Variants in ZNF627 observed in about 807,000 individuals in gnomAD.
The protein encoded by ZNF627 is zinc finger protein 627.
In ZNF627, 12 loss-of-function variants were observed where a neutral mutation model predicts 10.6. The ratio of observed to expected loss-of-function variants is 1.13; its 90% CI spans 0.73 to 1.84. The LOEUF is 1.84. Ranked by LOEUF, ZNF627 falls within the 40% of genes most tolerant of loss-of-function variation. ZNF627 has a pLI of 0.00. For synonymous variants in ZNF627, 176 were observed against 187.1 expected (o/e 0.94, Z 0.48); for missense variants, 504 against 568.4 (o/e 0.89, Z 1.15).
chr19:11,614,766 C>CT (rs1424819956), intron 2 of ZNF627, 61 bp from the exon 3 acceptor site: 8 of 1,591,090 alleles, frequency 5.0e-6, no homozygotes, highest in African/African-American at 2.7e-5. Flanking sequence ...AATATAGAAT[C>CT]TAATACTTTT....
rs1359665650 is a variant in ZNF627 at position 11,614,519 on chromosome 19, T to C, written c.4-8T>C. ...ACCTTCCTCCTCCACACATGGGGGA[T>C]GTTTCAGGATTCAGTGGCCTTTGAG... is the stretch of plus-strand genomic sequence containing the variant. On this transcript the variant is annotated splice_polypyrimidine_tract_variant and splice_region_variant and intron_variant, in intron 1 of 3. Transcript: ENST00000361113. 7 of 1,613,798 alleles carry C rather than the reference T, an allele frequency of 4.3e-6. No individual in the cohort carries two copies. Among genetic ancestry groups the C allele is most frequent in the East Asian group, 2.2e-5 (1 of 44,886 alleles).
chr19:11,599,184 C>T (rs1375498435), intron 1 of ZNF627, among the ~76,000 whole-genome samples: 1 of 152,186 alleles, frequency 6.6e-6, no homozygotes, highest in Non-Finnish European at 1.5e-5. Context: ...GGTCTGGTAT[C>T]AGCCTGCTCC....
At chr19:11,599,750 T>A (rs1599652015) in intron 1 of ZNF627, among the ~76,000 whole-genome samples, 1 of 151,954 alleles carries the variant, frequency 6.6e-6, no homozygotes, top group East Asian at 1.9e-4. Context: ...TACTAAAAAA[T>A]ACAAAAATTA....
intron 1 of ZNF627, among the ~76,000 whole-genome samples, chr19:11,597,976 T>G (rs1267626627): frequency 5.3e-5 from 8 of 152,324 alleles, no homozygotes; most frequent in Non-Finnish European, 8.8e-5. Flanking sequence ...ATTTAGAGTT[T>G]ATTTGAGCAA....
intron 1 of ZNF627, among the ~76,000 whole-genome samples, chr19:11,600,072 A>T (rs1201682313): frequency 6.6e-6 from 1 of 152,198 alleles, no homozygotes; most frequent in East Asian, 1.9e-4. Context: ...TTGAAATATA[A>T]GACAGTTTTG....
At chr19:11,600,535 A>C (rs1973567669) in intron 1 of ZNF627, among the ~76,000 whole-genome samples, 1 of 152,130 alleles carries the variant, frequency 6.6e-6, no homozygotes, top group Non-Finnish European at 1.5e-5. Flanking sequence ...GTGGTGATTT[A>C]AAATGGAATT....
intron 1 of ZNF627, among the ~76,000 whole-genome samples, chr19:11,610,802 A>G (rs1315219219): frequency 6.6e-6 from 1 of 152,102 alleles, no homozygotes; most frequent in African/African-American, 2.4e-5. Flanking sequence ...ATGCTTCTTG[A>G]TTCGTGACTC....
rs953277214 is a variant in ZNF627 at position 11,609,045 on chromosome 19, AT to A, written c.4-5476del. Among the ~76,000 whole-genome samples, 10 of 151,864 alleles carry A rather than the reference AT, an allele frequency of 6.6e-5. 1 individual carries two copies. The highest frequency in any genetic ancestry group is 2.4e-4 in the African/African-American group (10 of 41,410). ...GCCACCATGCTCAGCTAATATTTGT[AT>A]TTTTTGTAGAGACAGGGTTTTGCCA... is the stretch of plus-strand genomic sequence containing the variant. On this transcript the variant is annotated intron_variant, in intron 1 of 3. Transcript: ENST00000361113.
At chr19:11,616,666 A>G (rs1488031010) in intron 3 of ZNF627, 29 bp from the exon 4 acceptor site, 1 of 1,397,246 alleles carries the variant, frequency 7.2e-7, no homozygotes, top group African/African-American at 1.4e-5. Context: ...ACAAAACATT[A>G]ATAATGTACT....
chr19:11,613,830 C>T (rs1398977433), intron 1 of ZNF627, among the ~76,000 whole-genome samples: 2 of 151,912 alleles, frequency 1.3e-5, no homozygotes, highest in Non-Finnish European at 2.9e-5. Flanking sequence ...ACTGTCAAAG[C>T]TCAAACTTTG....
intron 3 of ZNF627, 35 bp downstream of exon 3, chr19:11,614,922 TGA>T: frequency 1.3e-6 from 2 of 1,508,536 alleles, no homozygotes; most frequent in Non-Finnish European, 1.8e-6. Context: ...TTCTGTTCCT[TGA>T]GAGCATTTCG....
chr19:11,602,762 A>G (rs937966778), intron 1 of ZNF627, among the ~76,000 whole-genome samples: 2 of 152,234 alleles, frequency 1.3e-5, no homozygotes, highest in Non-Finnish European at 2.9e-5. Context: ...CAGAAATGGT[A>G]TATGAAAAAA....
At chr19:11,605,484 A>G (rs1170764614) in intron 1 of ZNF627, among the ~76,000 whole-genome samples, 3 of 152,110 alleles carry the variant, frequency 2.0e-5, no homozygotes, top group Non-Finnish European at 4.4e-5. Context: ...GAAACTTACA[A>G]GTATGGTGGA....
At position 11,617,621 on chromosome 19, in the gene ZNF627, G is replaced by C. The variant is rs373350733; in HGVS notation, c.1118G>C (p.Ser373Thr). 6 of 1,613,666 alleles carry C rather than the reference G, an allele frequency of 3.7e-6. No individual in the cohort carries two copies. In the African/African-American group the frequency reaches 6.7e-5, roughly 18 times the overall value. ...YDCKQCGKAF[S>T]CSSSFRKHER... ...TGTAAGCAATGTGGGAAAGCCTTCAGTTGTTCCAGTTCGTTTCGAAAACAT... is the reference window on the plus strand; with the variant it reads ...TGTAAGCAATGTGGGAAAGCCTTCACTTGTTCCAGTTCGTTTCGAAAACAT... Residue 373 changes from serine (S) to threonine (T), a missense_variant, in exon 4 of 4, where the codon AGT becomes ACT. Physicochemically the swap from Ser to Thr is moderately conservative, Grantham distance 58. Transcript: ENST00000361113.
chr19:11,610,355 C>G (rs185220884), intron 1 of ZNF627, among the ~76,000 whole-genome samples: 1 of 152,200 alleles, frequency 6.6e-6, no homozygotes, highest in Admixed American at 6.6e-5. Context: ...TATGTCTCAG[C>G]CATAATCTGT....
At chr19:11,615,004 T>G in intron 3 of ZNF627, 117 bp downstream of exon 3, 1 of 824,736 alleles carries the variant, frequency 1.2e-6, no homozygotes, top group Non-Finnish European at 1.8e-6. Context: ...TGGAGTGCAG[T>G]GGCACAATCT....
At chr19:11,612,502 A>T (rs1012088577) in intron 1 of ZNF627, among the ~76,000 whole-genome samples, 1 of 136,844 alleles carries the variant, frequency 7.3e-6, no homozygotes, top group Non-Finnish European at 1.5e-5. Flanking sequence ...GCTTACTGCA[A>T]CCTCTGCGTG....
At chr19:11,609,398 T>C (rs1184503005) in intron 1 of ZNF627, among the ~76,000 whole-genome samples, 2 of 150,262 alleles carry the variant, frequency 1.3e-5, no homozygotes, top group African/African-American at 4.9e-5. Context: ...TGAACACCTA[T>C]AGAGAAATTT....
intron 1 of ZNF627, among the ~76,000 whole-genome samples, chr19:11,612,267 T>C (rs1397989263): frequency 6.6e-6 from 1 of 150,968 alleles, no homozygotes; most frequent in African/African-American, 2.4e-5. Flanking sequence ...ACTACAGGCG[T>C]CCGCCACCAC....
Sources: allele counts gnomAD v4.1 joint callset (sites outside exome capture counted in the v4.1 genomes callset), GRCh38; gene constraint gnomAD v4.1.1; transcripts MANE v1.5; gene names NCBI Gene and HGNC (gene_info 2026-07-23, HGNC 2026-07-21).